Variants in GRIK4 observed in about 807,000 individuals in gnomAD.
GRIK4 encodes glutamate ionotropic receptor kainate type subunit 4, also known as glutamate receptor ionotropic, kainate 4.
A neutral mutation model predicts 104.9 loss-of-function variants in GRIK4; 40 were observed. The observed-to-expected ratio is 0.38, with a 90% CI of 0.30 to 0.50. The LOEUF (loss-of-function observed/expected upper bound fraction) is 0.50, where lower values mean the gene tolerates loss of function less well. Ranked by LOEUF, GRIK4 falls within the 20% of genes least tolerant of loss-of-function variation. The probability of loss-of-function intolerance (pLI) is 0.93; values close to 1 mark genes in which losing one functional copy is unlikely to be tolerated. For synonymous variants in GRIK4, 485 were observed against 524.9 expected (o/e 0.92, Z 1.04); for missense variants, 1,047 against 1,308.1 (o/e 0.80, Z 3.08).
rs151133822 is a variant in GRIK4, at chr11:120,938,580, C to T, written c.1477-1767C>T. Among the ~76,000 whole-genome samples, 260 of 152,276 alleles carry T rather than the reference C, an allele frequency of 1.7e-3. 1 individual carries two copies. Among genetic ancestry groups the T allele is most frequent in the African/African-American group, 6.1e-3 (253 of 41,558 alleles). ...CTTCCTGTACACAAATCATAATTCC[C>T]TTGTGTGTAAAATGAGGGCCAGCAC... On this transcript the variant is annotated intron_variant, in intron 13 of 20. Transcript: ENST00000527524.
chr11:120,839,519 G>A (rs1472492100), intron 8 of GRIK4, among the ~76,000 whole-genome samples: 1 of 152,244 alleles, frequency 6.6e-6, no homozygotes, highest in Non-Finnish European at 1.5e-5. Flanking sequence ...TTATTTAGGA[G>A]AAGGTGTTAT....
At chr11:120,916,090 CAAG>C (rs916152623) in intron 13 of GRIK4, among the ~76,000 whole-genome samples, 29 of 152,186 alleles carry the variant, frequency 1.9e-4, no homozygotes, top group African/African-American at 6.3e-4. Context: ...GAATGGTAAA[CAAG>C]GAGGTGGCTC....
At chr11:120,982,570 C>T (rs1057419268) in intron 20 of GRIK4, among the ~76,000 whole-genome samples, 2 of 152,036 alleles carry the variant, frequency 1.3e-5, no homozygotes. Flanking sequence ...AATTTTATCC[C>T]CCTTCTCGGG....
intron 1 of GRIK4, among the ~76,000 whole-genome samples, chr11:120,644,485 G>A (rs987559728): frequency 3.3e-5 from 5 of 152,228 alleles, no homozygotes; most frequent in Admixed American, 2.0e-4. Context: ...GAGGCTCAGA[G>A]GTTAATGTCT....
At chr11:120,965,608 G>T (rs749803618) in intron 18 of GRIK4, among the ~76,000 whole-genome samples, 1 of 152,192 alleles carries the variant, frequency 6.6e-6, no homozygotes, top group African/African-American at 2.4e-5. Context: ...GGGTTTGGGC[G>T]TCCAAGCATA....
At chr11:120,531,325 T>G (rs1947921331) in intron 1 of GRIK4, among the ~76,000 whole-genome samples, 1 of 152,202 alleles carries the variant, frequency 6.6e-6, no homozygotes. Context: ...AGAAATGACA[T>G]TTTCCTTCCC....
intron 13 of GRIK4, among the ~76,000 whole-genome samples, chr11:120,935,673 G>C (rs770288731): frequency 6.6e-6 from 1 of 152,158 alleles, no homozygotes; most frequent in African/African-American, 2.4e-5. Flanking sequence ...TTAACGGAAC[G>C]ACAGTTATCA....
At chr11:120,692,817 T>C (rs1428805753) in intron 3 of GRIK4, among the ~76,000 whole-genome samples, 1 of 152,162 alleles carries the variant, frequency 6.6e-6, no homozygotes, top group Non-Finnish European at 1.5e-5. Flanking sequence ...CTGCAACCTC[T>C]GCCTCCTGGG....
intron 3 of GRIK4, among the ~76,000 whole-genome samples, chr11:120,779,977 C>T (rs1179337916): frequency 1.3e-5 from 2 of 152,162 alleles, no homozygotes; most frequent in Non-Finnish European, 1.5e-5. Flanking sequence ...TTTGTATTGG[C>T]TTAGGCAGCT....
chr11:120,799,012 G>A (rs1265474318), intron 3 of GRIK4, among the ~76,000 whole-genome samples: 2 of 152,184 alleles, frequency 1.3e-5, no homozygotes, highest in East Asian at 3.9e-4. Context: ...ACCCTTTGGT[G>A]TGTGCTGCCT....
chr11:120,686,749 C>T (rs1950282743), intron 3 of GRIK4, among the ~76,000 whole-genome samples: 1 of 152,224 alleles, frequency 6.6e-6, no homozygotes, highest in Admixed American at 6.5e-5. Flanking sequence ...GTTTTATCGG[C>T]ATACATTAAT....
chr11:120,981,393 T>G (rs1399010913), intron 19 of GRIK4, among the ~76,000 whole-genome samples: 1 of 152,184 alleles, frequency 6.6e-6, no homozygotes, highest in African/African-American at 2.4e-5. Flanking sequence ...AATTACCAAT[T>G]TGTAAACTAA....
At chr11:120,663,344 G>A (rs1209897002) in intron 3 of GRIK4, among the ~76,000 whole-genome samples, 1 of 152,188 alleles carries the variant, frequency 6.6e-6, no homozygotes, top group African/African-American at 2.4e-5. Context: ...GTTTGGCCAA[G>A]GTCACCTGAC....
chr11:120,580,805 T>C (rs1948571876), intron 1 of GRIK4, among the ~76,000 whole-genome samples: 1 of 152,172 alleles, frequency 6.6e-6, no homozygotes, highest in Non-Finnish European at 1.5e-5. Flanking sequence ...GGGTTCTATA[T>C]GGTAAGTGTA....
intron 1 of GRIK4, among the ~76,000 whole-genome samples, chr11:120,606,220 A>G (rs1348486274): frequency 6.6e-6 from 1 of 152,154 alleles, no homozygotes; most frequent in Non-Finnish European, 1.5e-5. Flanking sequence ...TTTTCATGGC[A>G]TGGGGCCCAG....
At chr11:120,737,054 C>T (rs1312927603) in intron 3 of GRIK4, among the ~76,000 whole-genome samples, 1 of 152,112 alleles carries the variant, frequency 6.6e-6, no homozygotes, top group Non-Finnish European at 1.5e-5. Flanking sequence ...ATAGTCGTTG[C>T]AATGGATTGG....
At chr11:120,757,034 C>T (rs892929313) in intron 3 of GRIK4, among the ~76,000 whole-genome samples, 2 of 152,190 alleles carry the variant, frequency 1.3e-5, no homozygotes, top group Admixed American at 1.3e-4. Context: ...AGTTTGATGG[C>T]CCGTGAGTGT....
At chr11:120,781,593 C>G (rs1952158718) in intron 3 of GRIK4, among the ~76,000 whole-genome samples, 1 of 152,172 alleles carries the variant, frequency 6.6e-6, no homozygotes, top group Non-Finnish European at 1.5e-5. Flanking sequence ...CTTAAGCAGT[C>G]CTCCCACCTT....
chr11:120,942,030 C>T (rs1440825774), intron 14 of GRIK4, among the ~76,000 whole-genome samples: 2 of 152,182 alleles, frequency 1.3e-5, no homozygotes, highest in Admixed American at 1.3e-4. Context: ...AGGGTTCAAA[C>T]CCAGGAATGA....
Sources: gnomAD v4.1 joint callset for allele counts (sites outside exome capture counted in the v4.1 genomes callset) on GRCh38, gnomAD v4.1.1 for gene constraint, MANE v1.5 for transcripts, NCBI Gene and HGNC (gene_info 2026-07-23, HGNC 2026-07-21) for gene names.